CSMD1: variants seen among roughly 807,000 people sequenced by gnomAD.
CSMD1 encodes the protein CUB and Sushi multiple domains 1, also known as CUB and sushi domain-containing protein 1.
A neutral mutation model predicts 417.5 loss-of-function variants in CSMD1; 213 were observed. The ratio of observed to expected loss-of-function variants is 0.51; its 90% CI spans 0.46 to 0.57. The LOEUF is 0.57. Among genes scored for constraint, CSMD1 ranks in the 20% least tolerant of loss-of-function variants. The pLI, the probability that CSMD1 is intolerant of heterozygous loss-of-function variation, is 0.00. For missense variants in CSMD1, 6,923 were observed against 4,529.7 expected (o/e 1.53, Z -15.17); for synonymous variants, 2,862 against 1,736.8 (o/e 1.65, Z -16.11).
Position 3,678,372 on chromosome 8 carries a change from G to A in CSMD1, c.1009+30042C>T, listed in dbSNP as rs143965922. On this transcript the variant is annotated intron_variant, in intron 7 of 69. Transcript: ENST00000635120. ...CTGATGGAGCTGAAAACCATGGCACGGGAACTACGTGATGAATGCACAAGT... is the reference window on the plus strand; with the variant it reads ...CTGATGGAGCTGAAAACCATGGCACAGGAACTACGTGATGAATGCACAAGT... 3.6e-3 allele frequency among the ~76,000 whole-genome samples: 554 copies of A among 152,222 alleles called. 2 individuals carry two copies. The highest frequency in any genetic ancestry group is 9.6e-3 in the African/African-American group (398 of 41,548).
chr8:3,169,013 T>C (rs1259520345), intron 37 of CSMD1, among the ~76,000 whole-genome samples: 1 of 152,186 alleles, frequency 6.6e-6, no homozygotes, highest in Non-Finnish European at 1.5e-5. Flanking sequence ...CAAGTTTATT[T>C]AATACATGGT....
rs767693156 is a variant in CSMD1, at chr8:3,387,554, C to T, written c.2722G>A (p.Asp908Asn). 1.2e-6 allele frequency: 2 copies of T among 1,601,884 alleles called. No homozygotes were observed. Among genetic ancestry groups the T allele is most frequent in the Admixed American group, 1.7e-5 (1 of 58,444 alleles). ...SCDPGYTLSD[D>N]EPLVCERNHQ... The stretch of plus-strand genomic sequence containing the variant: ...TTCCTCTCACAGACGAGGGGCTCGT[C>T]GTCACTTAGTGTGTACCCCGGGTCA... The change falls in exon 18 of 70, where the codon GAC (aspartate) becomes AAC (asparagine). Residue 908 changes from aspartate (D) to asparagine (N), a missense_variant. By Grantham distance (23) the Asp-to-Asn change is conservative. Coordinates refer to ENST00000635120, the MANE Select transcript of CSMD1 (RefSeq NM_033225.6).
chr8:4,162,039 G>A (rs1029111066), intron 3 of CSMD1, among the ~76,000 whole-genome samples: 5 of 152,116 alleles, frequency 3.3e-5, no homozygotes, highest in Non-Finnish European at 7.4e-5. Flanking sequence ...GCTAAACTAA[G>A]CAATTTCCCT....
intron 7 of CSMD1, among the ~76,000 whole-genome samples, chr8:3,690,345 G>C (rs951691507): frequency 6.6e-5 from 10 of 152,232 alleles, no homozygotes; most frequent in African/African-American, 2.2e-4. Flanking sequence ...GACAGAACGA[G>C]ACTCTGTCTC....
At chr8:3,359,381 G>A (rs553610296) in intron 20 of CSMD1, 41 bp from the exon 21 acceptor site, 5 of 1,403,668 alleles carry the variant, frequency 3.6e-6, no homozygotes, top group Middle Eastern at 1.8e-4. Context: ...GAGGATTTGG[G>A]TAAATACACA....
At chr8:4,708,578 T>C (rs905268362) in intron 1 of CSMD1, among the ~76,000 whole-genome samples, 2 of 152,100 alleles carry the variant, frequency 1.3e-5, no homozygotes, top group East Asian at 3.9e-4. Flanking sequence ...TATCTTTGAG[T>C]CACTTAAACT....
rs117725049 is a variant in CSMD1, at chr8:3,376,454, T to G, written c.2783-7084A>C. The stretch of plus-strand genomic sequence containing the variant: ...TACAGAACATATATCTTATTCATAA[T>G]AAAAAAGATAATTAAAATTTACAAT... On this transcript the variant is annotated intron_variant, in intron 18 of 69. Coordinates refer to ENST00000635120, the MANE Select transcript of CSMD1 (RefSeq NM_033225.6). 3.3e-3 allele frequency among the ~76,000 whole-genome samples: 506 copies of G among 152,104 alleles called. 5 individuals are homozygous for G. Among genetic ancestry groups the G allele is most frequent in the Non-Finnish European group, 4.9e-3 (332 of 67,986 alleles).
At chr8:3,596,029 A>G (rs531026467) in intron 8 of CSMD1, among the ~76,000 whole-genome samples, 5 of 150,130 alleles carry the variant, frequency 3.3e-5, no homozygotes, top group Non-Finnish European at 7.4e-5. Context: ...TGAGGAGAGC[A>G]ACGTCAGTGC....
chr8:3,109,601 G>C (rs1481174027), intron 43 of CSMD1, among the ~76,000 whole-genome samples: 4 of 152,016 alleles, frequency 2.6e-5, no homozygotes, highest in Admixed American at 2.6e-4. Flanking sequence ...GCCTGTCAGA[G>C]CCCAGGTGCA....
intron 50 of CSMD1, among the ~76,000 whole-genome samples, chr8:3,029,931 C>G (rs1296380955): frequency 6.6e-6 from 1 of 152,018 alleles, no homozygotes; most frequent in East Asian, 1.9e-4. Context: ...CACTAATTTT[C>G]AGAAACTCAG....
intron 3 of CSMD1, among the ~76,000 whole-genome samples, chr8:4,200,759 G>A (rs1033412876): frequency 1.3e-5 from 2 of 152,256 alleles, no homozygotes; most frequent in Admixed American, 6.5e-5. Flanking sequence ...CTACTCTGGC[G>A]ACTGAGATGG....
At chr8:3,534,564 T>C (rs1314249519) in intron 10 of CSMD1, among the ~76,000 whole-genome samples, 1 of 149,084 alleles carries the variant, frequency 6.7e-6, no homozygotes, top group Non-Finnish European at 1.5e-5. Flanking sequence ...TAGTGTACAA[T>C]CATTTACTTT....
At chr8:3,146,825 C>T (rs1052991493) in intron 40 of CSMD1, among the ~76,000 whole-genome samples, 1 of 152,152 alleles carries the variant, frequency 6.6e-6, no homozygotes, top group East Asian at 1.9e-4. Context: ...GTGGCTCGAT[C>T]CATGGGAATG....
At chr8:2,944,772 T>G (rs1053237377) in intron 68 of CSMD1, among the ~76,000 whole-genome samples, 12 of 152,206 alleles carry the variant, frequency 7.9e-5, no homozygotes, top group African/African-American at 2.9e-4. Flanking sequence ...AACATTGATC[T>G]TCAAGTTTCT....
At chr8:4,607,630 AT>A (rs71209108) in intron 2 of CSMD1, among the ~76,000 whole-genome samples, 3,576 of 152,264 alleles carry the variant, frequency 0.023, 64 homozygotes, top group African/African-American at 0.044. Flanking sequence ...GGCGCCAGCC[AT>A]TTTTTGGTGT....
intron 26 of CSMD1, among the ~76,000 whole-genome samples, chr8:3,258,531 G>A (rs1800821785): frequency 6.6e-6 from 1 of 152,218 alleles, no homozygotes; most frequent in Non-Finnish European, 1.5e-5. Context: ...GGAAGACAGT[G>A]TGGTGATTCC....
intron 5 of CSMD1, among the ~76,000 whole-genome samples, chr8:3,761,409 G>A (rs899460548): frequency 1.3e-5 from 2 of 148,910 alleles, no homozygotes; most frequent in African/African-American, 2.5e-5. Context: ...AACCAACTAT[G>A]AAACAAAATA....
chr8:4,930,965 TTTGA>T (rs1182300825), intron 1 of CSMD1, among the ~76,000 whole-genome samples: 3 of 152,208 alleles, frequency 2.0e-5, no homozygotes, highest in African/African-American at 7.2e-5. Flanking sequence ...CTTATGGAAC[TTTGA>T]TTTAAAAATA....
At position 4,523,642 on chromosome 8, in the gene CSMD1, G is replaced by A. The variant is rs147965127; in HGVS notation, c.303-103577C>T. Among the ~76,000 whole-genome samples, 23 of 152,196 alleles carry A rather than the reference G, an allele frequency of 1.5e-4. No homozygotes were observed. In the East Asian group the frequency reaches 4.4e-3, roughly 29 times the overall value. On this transcript the variant is annotated intron_variant, in intron 2 of 69. Coordinates refer to ENST00000635120, the MANE Select transcript of CSMD1 (RefSeq NM_033225.6). ...AGTCAGAAAACCAAGGTTCCAGTCC[G>A]GGGCCTGAAGGCAACTCTAATCCAG...
Sources: gnomAD v4.1 joint callset for allele counts (sites outside exome capture counted in the v4.1 genomes callset) on GRCh38, gnomAD v4.1.1 for gene constraint, MANE v1.5 for transcripts, NCBI Gene and HGNC (gene_info 2026-07-23, HGNC 2026-07-21) for gene names.